Variants in RSPH14 observed in about 807,000 individuals in gnomAD.
RSPH14 encodes the protein rhabdoid tumor deletion region gene 1.
In RSPH14, 20 loss-of-function variants were observed where a neutral mutation model predicts 26.7. The ratio of observed to expected loss-of-function variants is 0.75; its 90% CI spans 0.53 to 1.09. The LOEUF (loss-of-function observed/expected upper bound fraction) is 1.09, where lower values mean the gene tolerates loss of function less well. Among genes scored for constraint, RSPH14 ranks in the 50% least tolerant of loss-of-function variants. RSPH14 has a pLI of 0.00. For missense variants in RSPH14, 449 were observed against 457.2 expected (o/e 0.98, Z 0.16); for synonymous variants, 177 against 189.3 (o/e 0.93, Z 0.53).
intron 4 of RSPH14, among the ~76,000 whole-genome samples, chr22:23,102,811 C>T (rs1478661730): frequency 6.6e-6 from 1 of 152,254 alleles, no homozygotes. Context: ...CACTCTGTCT[C>T]TTCCACCATG....
At chr22:23,067,344 C>T (rs754736987) in intron 4 of RSPH14, among the ~76,000 whole-genome samples, 3 of 152,178 alleles carry the variant, frequency 2.0e-5, no homozygotes, top group Non-Finnish European at 4.4e-5. Context: ...CCTCTGGCTA[C>T]AGCAAAGCCC....
the RSPH14 span, among the ~76,000 whole-genome samples, chr22:23,168,130 G>A: frequency 1.3e-5 from 2 of 152,134 alleles, no homozygotes; most frequent in Admixed American, 1.3e-4. Context: ...CCAGCCCTTT[G>A]CATTCTCCCA....
chr22:23,163,606 G>GCCCCCCCCCCCCCC, the RSPH14 span: 50 of 125,288 alleles, frequency 4.0e-4, 2 homozygotes, highest in Admixed American at 5.8e-4. Flanking sequence ...CAAGGTGAAA[G>GCCCCCCCCCCCCCC]CCCCCCCCCC....
chr22:23,091,168 G>A (rs2068961254), intron 4 of RSPH14, among the ~76,000 whole-genome samples: 2 of 152,202 alleles, frequency 1.3e-5, no homozygotes, highest in Admixed American at 1.3e-4. Context: ...CCAAAGATGT[G>A]TACATGGACC....
Position 23,067,894 on chromosome 22 carries a change from C to T in RSPH14, c.422-3761G>A, listed in dbSNP as rs147620495. On this transcript the variant is annotated intron_variant, in intron 4 of 6. Coordinates refer to ENST00000216036, the MANE Select transcript of RSPH14 (RefSeq NM_014433.3). ...ACAGACTGACTTCTGTGCTCACTCCCACTTCCTCTGGACTGACTAACTGAT... is the reference window on the plus strand; with the variant it reads ...ACAGACTGACTTCTGTGCTCACTCCTACTTCCTCTGGACTGACTAACTGAT... Among the ~76,000 whole-genome samples the T allele has an allele frequency of 2.7e-3, 410 of 152,332 alleles. 2 individuals are homozygous for T. Among genetic ancestry groups the T allele is most frequent in the Non-Finnish European group, 4.5e-3 (309 of 68,030 alleles).
At chr22:23,080,898 G>A (rs2068658696) in intron 4 of RSPH14, among the ~76,000 whole-genome samples, 1 of 152,232 alleles carries the variant, frequency 6.6e-6, no homozygotes, top group Non-Finnish European at 1.5e-5. Context: ...TGTAAAGCAT[G>A]CTGGCTTGTG....
At position 23,059,825 on chromosome 22, in the gene RSPH14, G is replaced by T. The variant is rs79255681; in HGVS notation, c.791-107C>A. ...CCTCCTCCTTGTGCAGTCTCAAGGGGTTTATGCCTGGTTTATGCCCCACCA... is the reference window on the plus strand; with the variant it reads ...CCTCCTCCTTGTGCAGTCTCAAGGGTTTTATGCCTGGTTTATGCCCCACCA... On this transcript the variant is annotated intron_variant, in intron 6 of 6. Coordinates refer to ENST00000216036, the MANE Select transcript of RSPH14 (RefSeq NM_014433.3). 4.1e-4 allele frequency: 507 copies of T among 1,244,218 alleles called. 3 individuals carry two copies. In the African/African-American group the frequency reaches 7.0e-3, roughly 17 times the overall value. 77.1% of individuals were successfully genotyped at this position (1,244,218 alleles called of 1,614,324 possible).
the RSPH14 span, among the ~76,000 whole-genome samples, chr22:23,169,746 CTG>C: frequency 6.6e-6 from 1 of 152,140 alleles, no homozygotes; most frequent in Non-Finnish European, 1.5e-5. Flanking sequence ...CCCCTGAAGA[CTG>C]TGTGACCCTC....
the RSPH14 span, among the ~76,000 whole-genome samples, chr22:23,177,803 T>C: frequency 2.0e-5 from 3 of 152,230 alleles, no homozygotes; most frequent in South Asian, 6.2e-4. Context: ...CTAAACAGCT[T>C]CAGAGTTTAC....
chr22:23,132,398 A>G (rs1315970030), intron 4 of RSPH14, among the ~76,000 whole-genome samples: 1 of 152,196 alleles, frequency 6.6e-6, no homozygotes, highest in African/African-American at 2.4e-5. Context: ...GAGCCGTGGT[A>G]TCGGGTAGCT....
the RSPH14 span, among the ~76,000 whole-genome samples, chr22:23,174,102 G>A: frequency 6.6e-6 from 1 of 152,122 alleles, no homozygotes; most frequent in Admixed American, 6.6e-5. Flanking sequence ...AGCAGAGGGG[G>A]CGGTTGGGTC....
At chr22:23,062,987 C>T (rs1301061508) in intron 5 of RSPH14, among the ~76,000 whole-genome samples, 1 of 152,216 alleles carries the variant, frequency 6.6e-6, no homozygotes, top group African/African-American at 2.4e-5. Flanking sequence ...TCAGGAGCTC[C>T]CCTCGGGGAT....
intron 4 of RSPH14, among the ~76,000 whole-genome samples, chr22:23,069,838 A>G (rs3788337): frequency 0.55 from 82,971 of 152,024 alleles, 24,121 homozygotes; most frequent in South Asian, 0.68. Context: ...CAATCCAGGA[A>G]AGCAGGTGCC....
At chr22:23,065,161 C>T (rs1056539549) in intron 4 of RSPH14, among the ~76,000 whole-genome samples, 1 of 152,180 alleles carries the variant, frequency 6.6e-6, no homozygotes. Flanking sequence ...GTTGATTAGC[C>T]TAAAGGTCTC....
chr22:23,159,769 A>T, the RSPH14 span, among the ~76,000 whole-genome samples: 1 of 152,070 alleles, frequency 6.6e-6, no homozygotes, highest in African/African-American at 2.4e-5. Flanking sequence ...TCCCAGTATC[A>T]CTGTGGCTCA....
rs115525672 is a variant in RSPH14 at position 23,134,171 on chromosome 22, A to G, written c.303-27T>C. 275 of 1,547,206 alleles carry G rather than the reference A, an allele frequency of 1.8e-4. 3 individuals are homozygous for G. In the African/African-American group the frequency reaches 3.5e-3, roughly 19 times the overall value. Reference sequence around the variant, plus strand: ...TAGGGAAGGGAGGGTGGACAGTGACATAAGTGAGACCATGCCCTGAGAGGC... The same window carrying G: ...TAGGGAAGGGAGGGTGGACAGTGACGTAAGTGAGACCATGCCCTGAGAGGC... On this transcript the variant is annotated intron_variant, in intron 3 of 6. Coordinates refer to ENST00000216036, the MANE Select transcript of RSPH14 (RefSeq NM_014433.3).
chr22:23,158,076 C>T, the RSPH14 span: 2 of 1,612,868 alleles, frequency 1.2e-6, no homozygotes, highest in Non-Finnish European at 1.7e-6. Context: ...CTGCAGTCTC[C>T]CTGGGCTCAG....
the RSPH14 span, among the ~76,000 whole-genome samples, chr22:23,176,839 C>T: frequency 6.6e-6 from 1 of 152,190 alleles, no homozygotes; most frequent in African/African-American, 2.4e-5. Flanking sequence ...GCTTCCTGTG[C>T]GGTTGAGTAC....
chr22:23,085,498 T>G (rs1209458066), intron 4 of RSPH14, among the ~76,000 whole-genome samples: 1 of 152,050 alleles, frequency 6.6e-6, no homozygotes, highest in African/African-American at 2.4e-5. Flanking sequence ...ACGTGCTGGG[T>G]GATTTAGGAG....
Sources: allele counts gnomAD v4.1 joint callset (sites outside exome capture counted in the v4.1 genomes callset), GRCh38; gene constraint gnomAD v4.1.1; transcripts MANE v1.5; gene names NCBI Gene and HGNC (gene_info 2026-07-23, HGNC 2026-07-21).